TOX3: variants seen among roughly 807,000 people sequenced by gnomAD.
The protein encoded by TOX3 is CAG trinucleotide repeat-containing gene F9 protein.
Under a neutral mutation model 64.3 loss-of-function variants are expected in TOX3, and 22 were observed. That is an observed-to-expected ratio of 0.34 (90% CI 0.24 to 0.49). TOX3 has a LOEUF of 0.49. Among genes scored for constraint, TOX3 ranks in the 20% least tolerant of loss-of-function variants. The pLI, the probability that TOX3 is intolerant of heterozygous loss-of-function variation, is 0.99. For missense variants in TOX3, 661 were observed against 714.4 expected (o/e 0.93, Z 0.85); for synonymous variants, 291 against 273.6 (o/e 1.06, Z -0.63).
chr16:52,509,156 C>T (rs908195104), intron 1 of TOX3, among the ~76,000 whole-genome samples: 1 of 152,086 alleles, frequency 6.6e-6, no homozygotes, highest in Non-Finnish European at 1.5e-5. Flanking sequence ...TCAAATAAAG[C>T]TATTTATATA....
At position 52,519,605 on chromosome 16, in the gene TOX3, A is replaced by G. The variant is rs542378043; in HGVS notation, c.87+27032T>C. ...CTGAGCAGACGAAAAAAAAAACAACATGGTTGGGCAATCAGCTATTTGTCA... is the reference window on the plus strand; with the variant it reads ...CTGAGCAGACGAAAAAAAAAACAACGTGGTTGGGCAATCAGCTATTTGTCA... On this transcript the variant is annotated intron_variant, in intron 1 of 6. Transcript: ENST00000219746. 5.2e-5 allele frequency: 73 copies of G among 1,400,772 alleles called. No individual in the cohort carries two copies. The South Asian group carries it at 1.1e-3, about 21-fold the overall frequency. 86.8% of individuals were successfully genotyped at this position (1,400,772 alleles called of 1,614,324 possible).
intron 1 of TOX3, among the ~76,000 whole-genome samples, chr16:52,513,465 A>T (rs1962364768): frequency 6.6e-6 from 1 of 152,212 alleles, no homozygotes; most frequent in Admixed American, 6.5e-5. Context: ...AAATTATAGA[A>T]ATCTAGATGA....
intron 1 of TOX3, among the ~76,000 whole-genome samples, chr16:52,472,742 C>A (rs1296965976): frequency 6.6e-6 from 1 of 152,126 alleles, no homozygotes; most frequent in Non-Finnish European, 1.5e-5. Context: ...AGAAATCAGG[C>A]AATTCCAACT....
At chr16:52,487,557 A>G (rs922287499) in intron 1 of TOX3, among the ~76,000 whole-genome samples, 3 of 152,164 alleles carry the variant, frequency 2.0e-5, no homozygotes, top group African/African-American at 7.2e-5. Flanking sequence ...TAAGTAGGGG[A>G]AAGTATCTGA....
chr16:52,524,488 G>A (rs1046980166), intron 1 of TOX3, among the ~76,000 whole-genome samples: 2 of 152,142 alleles, frequency 1.3e-5, no homozygotes, highest in African/African-American at 4.8e-5. Context: ...CCACGGGTAC[G>A]TGTACTCAAT....
chr16:52,439,329 G>T lies in TOX3; in HGVS notation c.1627C>A (p.Pro543Thr), dbSNP rs868557969. The T allele has an allele frequency of 6.2e-7, 1 of 1,613,486 alleles. No homozygotes were observed. Among genetic ancestry groups the T allele is most frequent in the African/African-American group, 1.3e-5 (1 of 75,012 alleles). The change falls in exon 7 of 7, where the codon CCC becomes ACC. Residue 543 changes from proline (P) to threonine (T), a missense_variant. Pro to Thr is a conservative substitution (Grantham distance 38, BLOSUM62 -1). Around this residue, in one of 3 missense-constraint regions of TOX3, gnomAD observed 299 missense variants for 292.1 expected, o/e 1.02. Transcript: ENST00000219746. The part of the protein sequence containing the change: ...HSPVASQITS[P>T]IPAIGSPQPA... ...TGGGGGCTCCCGATGGCAGGGATGG[G>T]GGATGTTATCTGAGAGGCGACAGGG... is the stretch of plus-strand genomic sequence containing the variant.
At chr16:52,455,960 A>C (rs1157076700) in intron 3 of TOX3, among the ~76,000 whole-genome samples, 1 of 152,184 alleles carries the variant, frequency 6.6e-6, no homozygotes, top group East Asian at 1.9e-4. Flanking sequence ...AGTAGAAGCT[A>C]ACCAAGCCAG....
chr16:52,518,574 G>A (rs1962516992), intron 1 of TOX3, among the ~76,000 whole-genome samples: 1 of 152,106 alleles, frequency 6.6e-6, no homozygotes, highest in Admixed American at 6.6e-5. Flanking sequence ...GTTGCTAATG[G>A]TATCCATCCT....
chr16:52,519,240 T>C (rs1962534514), intron 1 of TOX3, among the ~76,000 whole-genome samples: 1 of 152,224 alleles, frequency 6.6e-6, no homozygotes, highest in Non-Finnish European at 1.5e-5. Flanking sequence ...CATTCACTCA[T>C]GCATGTTATA....
intron 1 of TOX3, among the ~76,000 whole-genome samples, chr16:52,485,204 ATG>A (rs200982286): frequency 0.027 from 3,809 of 138,940 alleles, 187 homozygotes; most frequent in African/African-American, 0.098. Context: ...GTGTGTGTAT[ATG>A]TGTGTGTGTA....
chr16:52,517,631 A>T (rs962058976), intron 1 of TOX3, among the ~76,000 whole-genome samples: 3 of 152,200 alleles, frequency 2.0e-5, no homozygotes, highest in Middle Eastern at 3.2e-3. Context: ...TCTTACCTAC[A>T]CATTGAGTAT....
chr16:52,486,864 A>G (rs1961546633), intron 1 of TOX3, among the ~76,000 whole-genome samples: 1 of 152,110 alleles, frequency 6.6e-6, no homozygotes, highest in Non-Finnish European at 1.5e-5. Flanking sequence ...TGAGCCCTGG[A>G]AGTTGAGAGT....
At chr16:52,492,564 A>AATATATATATATATAT (rs56848244) in intron 1 of TOX3, among the ~76,000 whole-genome samples, 1,328 of 90,484 alleles carry the variant, frequency 0.015, 45 homozygotes, top group Non-Finnish European at 0.016. Flanking sequence ...GTTGTATATA[A>AATATATATATATATAT]ATATATATAT....
chr16:52,546,885 C>T lies in TOX3; in HGVS notation c.-162G>A. On this transcript the variant is annotated 5_prime_UTR_variant, in exon 1 of 7. Coordinates refer to ENST00000219746, the MANE Select transcript of TOX3 (RefSeq NM_001080430.4). ...ACCCAGAGCCCGAGGAGCTCGGGAGCCGCGGCCGCCGCACACAAAGGCGCG... is the reference window on the plus strand; with the variant it reads ...ACCCAGAGCCCGAGGAGCTCGGGAGTCGCGGCCGCCGCACACAAAGGCGCG... 1.7e-6 allele frequency: 2 copies of T among 1,158,880 alleles called. No individual in the cohort carries two copies. The highest frequency in any genetic ancestry group is 4.0e-5 in the East Asian group (1 of 25,016). The allele number at this position is 1,158,880 out of a possible 1,614,324, so 71.8% of individuals were successfully genotyped here.
chr16:52,501,667 A>G (rs561218117), intron 1 of TOX3, among the ~76,000 whole-genome samples: 125 of 144,128 alleles, frequency 8.7e-4, no homozygotes, highest in African/African-American at 3.5e-3. Context: ...CTCAAAAACA[A>G]ACAAACAAAC....
At position 52,438,579 on chromosome 16, in the gene TOX3, T is replaced by A. The variant is rs942496178; in HGVS notation, c.*646A>T. 1 of 178,920 alleles carries A rather than the reference T, an allele frequency of 5.6e-6. No individual in the cohort carries two copies. Among genetic ancestry groups the A allele is most frequent in the Admixed American group, 5.8e-5 (1 of 17,096 alleles). 11.1% of individuals were successfully genotyped at this position (178,920 alleles called of 1,614,324 possible). A position where few individuals can be genotyped will look rare whatever the true frequency, so the allele number is the denominator to read the frequency against. ...GATATTGTTACAACATATACTGTGG[T>A]TTGATTTGGAGAAGTCATGGATAAA... On this transcript the variant is annotated 3_prime_UTR_variant, in exon 7 of 7. Coordinates refer to ENST00000219746, the MANE Select transcript of TOX3 (RefSeq NM_001080430.4).
At chr16:52,537,672 A>G (rs1302117322) in intron 1 of TOX3, among the ~76,000 whole-genome samples, 1 of 152,130 alleles carries the variant, frequency 6.6e-6, no homozygotes. Flanking sequence ...AGAAGATGAC[A>G]GTGTCCAGCT....
chr16:52,519,286 A>C (rs975096478), intron 1 of TOX3: 1 of 1,011,852 alleles, frequency 9.9e-7, no homozygotes, highest in Non-Finnish European at 1.4e-6. Flanking sequence ...AACCACTTTC[A>C]TCTTATTCTT....
At chr16:52,442,845 C>T (rs538551725) in intron 6 of TOX3, among the ~76,000 whole-genome samples, 2 of 152,198 alleles carry the variant, frequency 1.3e-5, no homozygotes, top group East Asian at 3.9e-4. Flanking sequence ...AAATTCTATC[C>T]TATTGATTTT....
Sources: gnomAD v4.1 joint callset for allele counts (sites outside exome capture counted in the v4.1 genomes callset) on GRCh38, gnomAD v4.1.1 for gene constraint, gnomAD v4.1.1 regional missense constraint, MANE v1.5 for transcripts, NCBI Gene and HGNC (gene_info 2026-07-23, HGNC 2026-07-21) for gene names.